Variants in NRXN1 observed in about 807,000 individuals in gnomAD.
The protein encoded by NRXN1 is neurexin-1.
In NRXN1, 39 loss-of-function variants were observed where a neutral mutation model predicts 150.9. The ratio of observed to expected loss-of-function variants is 0.26; its 90% confidence interval spans 0.20 to 0.34. NRXN1 has a LOEUF of 0.34. NRXN1 is among the 10% of genes least tolerant of loss of function. The pLI is 1.00. For synonymous variants in NRXN1, 924 were observed against 757.0 expected, an observed-to-expected ratio of 1.22 and a Z score of -3.62; for missense variants, 1,815 against 1,949.9, an observed-to-expected ratio of 0.93 and a Z score of 1.30.
intron 21 of NRXN1, among the ~76,000 whole-genome samples, chr2:50,000,398 G>C (rs569639975): frequency 6.6e-6 from 1 of 152,154 alleles, no homozygotes; most frequent in Non-Finnish European, 1.5e-5. Context: ...AATGGAAGCA[G>C]ACATCATCAT....
chr2:51,021,091 A>G (rs1669530275), intron 2 of NRXN1, among the ~76,000 whole-genome samples: 1 of 152,028 alleles, frequency 6.6e-6, no homozygotes, highest in Non-Finnish European at 1.5e-5. Context: ...CCACAAAATT[A>G]TAGAGAAGTA....
At chr2:50,031,921 C>G (rs1361144506) in intron 21 of NRXN1, among the ~76,000 whole-genome samples, 1 of 151,976 alleles carries the variant, frequency 6.6e-6, no homozygotes, top group Non-Finnish European at 1.5e-5. Flanking sequence ...TGTGTCTGGC[C>G]TTTCCTAGCA....
chr2:49,983,840 T>G (rs1456855767), intron 21 of NRXN1, among the ~76,000 whole-genome samples: 1 of 152,186 alleles, frequency 6.6e-6, no homozygotes, highest in Non-Finnish European at 1.5e-5. Flanking sequence ...TTTGTTGCAT[T>G]ACATATATTC....
chr2:50,829,311 G>T, intron 5 of NRXN1: 1 of 637,632 alleles, frequency 1.6e-6, no homozygotes. Context: ...TGTATTTTTA[G>T]TAGAGATGGG....
At chr2:50,839,119 A>G (rs890228172) in intron 5 of NRXN1, among the ~76,000 whole-genome samples, 1 of 152,160 alleles carries the variant, frequency 6.6e-6, no homozygotes, top group African/African-American at 2.4e-5. Context: ...TAATTCCTTT[A>G]AGCTATTTTA....
At chr2:50,560,652 G>A (rs1320018096) in intron 8 of NRXN1, among the ~76,000 whole-genome samples, 3 of 152,022 alleles carry the variant, frequency 2.0e-5, no homozygotes, top group South Asian at 2.1e-4. Context: ...GGCTAGTCTC[G>A]AACTCCTGAC....
chr2:50,651,701 C>G (rs932209305), intron 5 of NRXN1, among the ~76,000 whole-genome samples: 2 of 151,952 alleles, frequency 1.3e-5, no homozygotes, highest in African/African-American at 4.8e-5. Context: ...CACACATGCT[C>G]TCTTCCATTC....
Position 50,670,893 on chromosome 2 carries a change from G to T in NRXN1, c.833-47278C>A, listed in dbSNP as rs1299468663. On this transcript the variant is annotated intron_variant, in intron 5 of 22. Coordinates refer to ENST00000401669, the MANE Select transcript of NRXN1 (RefSeq NM_001330078.2). ...CTGGAGGTAAATGATATTGCTTGGTGATCTTTGATCACTTGGTTTAGTTGG... is the reference window on the plus strand; with the variant it reads ...CTGGAGGTAAATGATATTGCTTGGTTATCTTTGATCACTTGGTTTAGTTGG... Among the ~76,000 whole-genome samples, 8 of 151,858 alleles carry T rather than the reference G, an allele frequency of 5.3e-5. No individual in the cohort carries two copies. In the East Asian group the frequency reaches 1.4e-3, roughly 26 times the overall value.
intron 17 of NRXN1, among the ~76,000 whole-genome samples, chr2:50,392,932 T>C (rs1293778569): frequency 6.6e-6 from 1 of 152,046 alleles, no homozygotes; most frequent in African/African-American, 2.4e-5. Flanking sequence ...CAGCAAAATG[T>C]ACAGTGTTTA....
rs185556532 is a variant in NRXN1, at chr2:50,155,836, C to G, written c.3547-64342G>C. Among the ~76,000 whole-genome samples, 260 of 151,352 alleles carry G rather than the reference C, an allele frequency of 1.7e-3. 1 individual carries two copies. The highest frequency in any genetic ancestry group is 2.4e-3 in the Non-Finnish European group (159 of 67,636). On this transcript the variant is annotated intron_variant, in intron 18 of 22. Coordinates refer to ENST00000401669, the MANE Select transcript of NRXN1 (RefSeq NM_001330078.2). Reference sequence around the variant, plus strand: ...TGATGGCCAAAGTTTTCACAGTAGACTGAGCAAAAAACTATGAGACAGTAC... The same window carrying G: ...TGATGGCCAAAGTTTTCACAGTAGAGTGAGCAAAAAACTATGAGACAGTAC...
chr2:50,178,278 C>A (rs969195163), intron 18 of NRXN1, among the ~76,000 whole-genome samples: 10 of 151,984 alleles, frequency 6.6e-5, no homozygotes, highest in Non-Finnish European at 1.2e-4. Context: ...ACAAGAGAAT[C>A]TTTTTAACAC....
chr2:50,945,598 C>A (rs1690229689), intron 2 of NRXN1, among the ~76,000 whole-genome samples: 1 of 151,500 alleles, frequency 6.6e-6, no homozygotes, highest in Admixed American at 6.6e-5. Context: ...GGCCTATACA[C>A]CATAGTTTGT....
At chr2:50,553,814 T>G (rs2105350210) in intron 8 of NRXN1, among the ~76,000 whole-genome samples, 1 of 152,360 alleles carries the variant, frequency 6.6e-6, no homozygotes, top group African/African-American at 2.4e-5. Context: ...TAGGCACTTC[T>G]GAGTGCTTAC....
chr2:50,788,288 C>G (rs1705425708), intron 5 of NRXN1, among the ~76,000 whole-genome samples: 1 of 151,940 alleles, frequency 6.6e-6, no homozygotes, highest in Admixed American at 6.6e-5. Flanking sequence ...TGGGGTTTCA[C>G]CATGTTAGCC....
chr2:50,609,321 T>C (rs1007936265), intron 8 of NRXN1, among the ~76,000 whole-genome samples: 4 of 152,094 alleles, frequency 2.6e-5, no homozygotes, highest in African/African-American at 9.7e-5. Context: ...AATTTCAAGA[T>C]GACAAGAAGA....
chr2:50,478,379 C>T (rs562335652), intron 15 of NRXN1, among the ~76,000 whole-genome samples: 2 of 152,222 alleles, frequency 1.3e-5, no homozygotes, highest in African/African-American at 4.8e-5. Flanking sequence ...GAAAACTATA[C>T]AAGATCATTT....
intron 17 of NRXN1, among the ~76,000 whole-genome samples, chr2:50,356,002 T>C (rs1312831149): frequency 6.6e-6 from 1 of 152,110 alleles, no homozygotes; most frequent in African/African-American, 2.4e-5. Context: ...TAAAGAATGA[T>C]GGAATTCATT....
chr2:50,394,526 T>G (rs753611839), intron 17 of NRXN1, among the ~76,000 whole-genome samples: 1 of 152,096 alleles, frequency 6.6e-6, no homozygotes, highest in Non-Finnish European at 1.5e-5. Context: ...CTGCTCTGTC[T>G]CTAAAATGCA....
intron 17 of NRXN1, among the ~76,000 whole-genome samples, chr2:50,277,184 T>C (rs911499903): frequency 3.3e-5 from 5 of 152,160 alleles, no homozygotes; most frequent in African/African-American, 4.8e-5. Context: ...ATTTAGAAGA[T>C]ACAAATAACT....
Sources: gnomAD v4.1 joint callset for allele counts (sites outside exome capture counted in the v4.1 genomes callset) on GRCh38, gnomAD v4.1.1 for gene constraint, MANE v1.5 for transcripts, NCBI Gene and HGNC (gene_info 2026-07-23, HGNC 2026-07-21) for gene names.